RRM2: variants seen among roughly 807,000 people sequenced by gnomAD.
RRM2 encodes ribonucleoside-diphosphate reductase subunit M2.
In RRM2, 6 loss-of-function variants were observed where a neutral mutation model predicts 45.9. The ratio of observed to expected loss-of-function variants is 0.13; its 90% confidence interval spans 0.07 to 0.26. RRM2 has a LOEUF of 0.26. Ranked by LOEUF, RRM2 falls within the 10% of genes least tolerant of loss-of-function variation. The pLI is 1.00. For synonymous variants in RRM2, 177 were observed against 173.0 expected (o/e 1.02, Z -0.18); for missense variants, 343 against 489.5 (o/e 0.70, Z 2.82).
intron 3 of RRM2, chr2:10,199,091 C>T (rs1664478831): frequency 6.6e-6 from 1 of 152,256 alleles, no homozygotes; most frequent in Non-Finnish European, 1.5e-5. Context: ...CTCTTTCTGG[C>T]TACTTCCTGC....
At chr2:10,158,834 C>T (rs1440346595) in intron 3 of RRM2, among the ~76,000 whole-genome samples, 3 of 152,252 alleles carry the variant, frequency 2.0e-5, no homozygotes, top group African/African-American at 2.4e-5. Flanking sequence ...GTGGCCTTCT[C>T]TCCCGGGAGC....
At chr2:10,152,631 C>T (rs1205574967) in intron 3 of RRM2, among the ~76,000 whole-genome samples, 3 of 151,802 alleles carry the variant, frequency 2.0e-5, no homozygotes, top group Non-Finnish European at 4.4e-5. Context: ...TACAGGCGCC[C>T]GCAAGCATGT....
chr2:10,157,362 A>G (rs1472956856), intron 3 of RRM2, among the ~76,000 whole-genome samples: 5 of 152,172 alleles, frequency 3.3e-5, no homozygotes, highest in Non-Finnish European at 7.3e-5. Context: ...AAATTATTAC[A>G]CTACAGAAAA....
intron 3 of RRM2, among the ~76,000 whole-genome samples, chr2:10,143,250 CCCCA>C (rs1355173080): frequency 6.6e-6 from 1 of 152,188 alleles, no homozygotes; most frequent in Non-Finnish European, 1.5e-5. Flanking sequence ...TGGACTTTGT[CCCCA>C]CCCACCCGCT....
At chr2:10,184,573 A>C (rs1233271127) in intron 3 of RRM2, among the ~76,000 whole-genome samples, 1 of 152,270 alleles carries the variant, frequency 6.6e-6, no homozygotes, top group African/African-American at 2.4e-5. Flanking sequence ...GGCCTGGGGC[A>C]GGCGGGACAG....
upstream of RRM2, among the ~76,000 whole-genome samples, chr2:10,137,583 T>G (rs1274856784): frequency 6.6e-6 from 1 of 152,228 alleles, no homozygotes; most frequent in East Asian, 1.9e-4. Context: ...TGGGACGCTC[T>G]GGGTACTATG....
At chr2:10,131,611 C>A (rs1198306629), downstream of RRM2, among the ~76,000 whole-genome samples, 1 of 152,086 alleles carries the variant, frequency 6.6e-6, no homozygotes, top group Non-Finnish European at 1.5e-5. Context: ...TGGTGGCACA[C>A]GCCTGTAATC....
intron 3 of RRM2, among the ~76,000 whole-genome samples, chr2:10,207,209 C>A (rs1664679670): frequency 6.6e-6 from 1 of 152,164 alleles, no homozygotes; most frequent in South Asian, 2.1e-4. Flanking sequence ...TCACCTCCCC[C>A]ATATCCAGTC....
chr2:10,137,224 G>C (rs184775921), upstream of RRM2, among the ~76,000 whole-genome samples: 1 of 152,346 alleles, frequency 6.6e-6, no homozygotes, highest in Non-Finnish European at 1.5e-5. Flanking sequence ...GGACTGGTCT[G>C]CACAAAGACC....
rs1267573705 is a variant in RRM2 at position 10,127,344 on chromosome 2, A to G, written c.798+124A>G. 1.3e-4 allele frequency: 120 copies of G among 908,000 alleles called. 1 individual carries two copies. In the East Asian group the frequency reaches 2.9e-3, roughly 22 times the overall value. 56.2% of individuals were successfully genotyped at this position (908,000 alleles called of 1,614,324 possible). On this transcript the variant is annotated intron_variant, in intron 7 of 9. Coordinates refer to ENST00000304567, the MANE Select transcript of RRM2 (RefSeq NM_001034.4). This position sits in a 1 kb window ranked among gnomAD's most constrained non-coding sequence, Gnocchi z 4.1. ...TATCCACATTTAATGTGTGAGTTCA[A>G]CCATACACATACTTGACAAAAGAAG...
At chr2:10,188,899 C>CT (rs1664224878) in intron 3 of RRM2, among the ~76,000 whole-genome samples, 1 of 152,146 alleles carries the variant, frequency 6.6e-6, no homozygotes, top group Non-Finnish European at 1.5e-5. Context: ...GTTCCCAGTC[C>CT]TGGCCGCATT....
upstream of RRM2, among the ~76,000 whole-genome samples, chr2:10,138,809 T>TA (rs1663032888): frequency 6.6e-6 from 1 of 152,286 alleles, no homozygotes; most frequent in South Asian, 2.1e-4. Context: ...TTTGCCCATC[T>TA]AAAGGGTATG....
chr2:10,154,422 G>A (rs1174186587), intron 3 of RRM2, among the ~76,000 whole-genome samples: 1 of 105,396 alleles, frequency 9.5e-6, no homozygotes, highest in Non-Finnish European at 1.8e-5. Flanking sequence ...TGGGTGGGGG[G>A]TGGGCGCACA....
At chr2:10,160,572 C>T (rs1228738257) in intron 3 of RRM2, among the ~76,000 whole-genome samples, 2 of 152,204 alleles carry the variant, frequency 1.3e-5, no homozygotes, top group Non-Finnish European at 2.9e-5. Context: ...AGGCGGTTCC[C>T]TCATGCCCAG....
At chr2:10,135,681 T>G (rs537998390), downstream of RRM2, among the ~76,000 whole-genome samples, 7 of 152,316 alleles carry the variant, frequency 4.6e-5, no homozygotes, top group South Asian at 1.5e-3. Context: ...AAATTCTAGC[T>G]ATAAATGATT....
rs1431698101 is a variant in RRM2, at chr2:10,185,520, T to A, written n.483-24791T>A. 2.6e-5 allele frequency among the ~76,000 whole-genome samples: 4 copies of A among 152,198 alleles called. No individual in the cohort carries two copies. Among genetic ancestry groups the A allele is most frequent in the Non-Finnish European group, 5.9e-5 (4 of 68,044 alleles). On this transcript the variant is annotated intron_variant and non_coding_transcript_variant, in intron 3 of 3. Transcript: ENST00000381786. The surrounding 1 kb of genome is among the most constrained non-coding windows in gnomAD (Gnocchi z 4.3). Reference sequence around the variant, plus strand: ...AGAGGTCCATATGTGGCCAGTCTTGTCTCAGCCTTTTCCCCACCCATTCAC... The same window carrying A: ...AGAGGTCCATATGTGGCCAGTCTTGACTCAGCCTTTTCCCCACCCATTCAC...
intron 3 of RRM2, among the ~76,000 whole-genome samples, chr2:10,186,425 G>A (rs190498559): frequency 2.5e-3 from 386 of 152,210 alleles, no homozygotes; most frequent in Non-Finnish European, 4.1e-3. Flanking sequence ...AAAGTGCTGG[G>A]ATTACAGGCG....
At chr2:10,140,343 G>T (rs1663058410), upstream of RRM2, among the ~76,000 whole-genome samples, 1 of 152,190 alleles carries the variant, frequency 6.6e-6, no homozygotes, top group South Asian at 2.1e-4. Flanking sequence ...CTTCGTTGGG[G>T]CGCAGCCACA....
In RRM2 at chr2:10,169,071, C is replaced by T. The variant is rs1408353400; in HGVS notation, n.482+26696C>T. Among the ~76,000 whole-genome samples the T allele has an allele frequency of 6.6e-6, 1 of 152,158 alleles. No homozygotes were observed. The highest frequency in any genetic ancestry group is 2.4e-5 in the African/African-American group (1 of 41,438). ...CACTGCAGCCTCCACTTCCCAGGCT[C>T]AAGCCATCCTTCCACCTCAGCCTTC... On this transcript the variant is annotated intron_variant and non_coding_transcript_variant, in intron 3 of 3. Transcript: ENST00000381786. The surrounding 1 kb of genome is among the most constrained non-coding windows in gnomAD (Gnocchi z 5.1).
Sources: gnomAD v4.1 joint callset for allele counts (sites outside exome capture counted in the v4.1 genomes callset) on GRCh38, gnomAD v4.1.1 for gene constraint, Gnocchi (gnomAD v3.1) non-coding constraint, MANE v1.5 for transcripts, NCBI Gene and HGNC (gene_info 2026-07-23, HGNC 2026-07-21) for gene names.